Variants in CNTNAP3 observed in about 807,000 individuals in gnomAD.
CNTNAP3 encodes the protein contactin associated protein family member 3.
A neutral mutation model predicts 92.1 loss-of-function variants in CNTNAP3; 36 were observed. The observed-to-expected ratio is 0.39, with a 90% CI of 0.30 to 0.52. The LOEUF (loss-of-function observed/expected upper bound fraction) is 0.52, where lower values mean the gene tolerates loss of function less well. CNTNAP3 is among the 20% of genes least tolerant of loss of function. The pLI is 0.76. For synonymous variants in CNTNAP3, 232 were observed against 422.3 expected (o/e 0.55, Z 5.53); for missense variants, 534 against 1,069.6 (o/e 0.50, Z 6.98).
chr9:39,077,090 T>C (rs1286507730), intron 23 of CNTNAP3, among the ~76,000 whole-genome samples: 3 of 152,382 alleles, frequency 2.0e-5, no homozygotes, highest in South Asian at 2.1e-4. Flanking sequence ...TAAGCTATGC[T>C]TAACTTCACT....
intron 14 of CNTNAP3, among the ~76,000 whole-genome samples, chr9:39,117,078 T>C (rs558921459): frequency 1.3e-4 from 20 of 152,130 alleles, no homozygotes; most frequent in African/African-American, 4.8e-4. Context: ...CTGCAACCTC[T>C]ACCTCCTGGG....
In CNTNAP3 at chr9:39,081,079, C is replaced by T. The variant is rs193037922; in HGVS notation, c.3443-2159G>A. On this transcript the variant is annotated intron_variant, in intron 21 of 23. Transcript: ENST00000297668. ...AATGACTTAATTAGAAAATGATCAC[C>T]ATATATACTTTGTTTAAGCTGGAAA... Among the ~76,000 whole-genome samples the T allele has an allele frequency of 9.5e-3, 1,422 of 150,154 alleles. 25 individuals are homozygous for T. The highest frequency in any genetic ancestry group is 0.012 in the Non-Finnish European group (837 of 67,956).
At chr9:39,102,859 G>C (rs1263532101) in intron 16 of CNTNAP3, 144 bp from the exon 17 acceptor site, 2 of 1,146,656 alleles carry the variant, frequency 1.7e-6, no homozygotes, top group Non-Finnish European at 1.3e-6. Flanking sequence ...AGTTGGGGTG[G>C]GGGCAGAATA....
At chr9:39,085,948 A>C in intron 20 of CNTNAP3, 125 bp from the exon 21 acceptor site, 73 of 924,316 alleles carry the variant, frequency 7.9e-5, no homozygotes, top group Middle Eastern at 3.4e-4. Flanking sequence ...ACAAAAGCTC[A>C]AGAAGCCACC....
chr9:39,123,658 T>TA (rs1821090530), intron 13 of CNTNAP3, among the ~76,000 whole-genome samples: 1 of 151,984 alleles, frequency 6.6e-6, no homozygotes, highest in African/African-American at 2.4e-5. Context: ...TAAAATCTTT[T>TA]AAAAATAAAA....
At chr9:39,081,848 G>T (rs566505841) in intron 21 of CNTNAP3, among the ~76,000 whole-genome samples, 30,809 of 146,458 alleles carry the variant, frequency 0.21, 3,485 homozygotes, top group East Asian at 0.34. Flanking sequence ...GGAGGCCGAG[G>T]TGGGCGGATG....
chr9:39,141,843 T>C (rs564414439), intron 11 of CNTNAP3, among the ~76,000 whole-genome samples: 1 of 152,220 alleles, frequency 6.6e-6, no homozygotes, highest in Non-Finnish European at 1.5e-5. Flanking sequence ...AATGTACACA[T>C]GTATTAATGT....
rs1388086001 is a variant in CNTNAP3 at position 39,080,636 on chromosome 9, G to A, written c.3443-1716C>T. The stretch of plus-strand genomic sequence containing the variant: ...CATTAAATAATTGTAGTTTAGAGAA[G>A]AATCACATAATTTTAGGGCAGACCT... On this transcript the variant is annotated intron_variant, in intron 21 of 23. Coordinates refer to ENST00000297668, the MANE Select transcript of CNTNAP3 (RefSeq NM_033655.5). Among the ~76,000 whole-genome samples the A allele has an allele frequency of 1.5e-5, 2 of 132,122 alleles. 1 individual carries two copies. Among genetic ancestry groups the A allele is most frequent in the African/African-American group, 5.6e-5 (2 of 35,676 alleles). 86.7% of individuals were successfully genotyped at this position (132,122 alleles called of 152,430 possible).
chr9:39,108,075 C>G (rs1488517582), intron 15 of CNTNAP3, among the ~76,000 whole-genome samples: 1 of 152,106 alleles, frequency 6.6e-6, no homozygotes, highest in South Asian at 2.1e-4. Flanking sequence ...AGTTAAAGAA[C>G]TTTACTGCTC....
At chr9:39,140,670 A>G in intron 11 of CNTNAP3, 32 bp from the exon 12 acceptor site, 2 of 1,562,236 alleles carry the variant, frequency 1.3e-6, no homozygotes, top group East Asian at 2.3e-5. Flanking sequence ...AAGAACCAGA[A>G]AAAATATCTC....
At chr9:39,097,624 A>G (rs1826357194) in intron 18 of CNTNAP3, among the ~76,000 whole-genome samples, 3 of 151,436 alleles carry the variant, frequency 2.0e-5, no homozygotes, top group Non-Finnish European at 1.5e-5. Context: ...GGGGATGACA[A>G]GAAATGCTGG....
intron 12 of CNTNAP3, among the ~76,000 whole-genome samples, chr9:39,137,252 T>G (rs1821461585): frequency 6.6e-6 from 1 of 151,724 alleles, no homozygotes; most frequent in African/African-American, 2.4e-5. Context: ...ATCTCTAAGC[T>G]TAGGGATTCT....
chr9:39,120,848 G>A (rs2778185), intron 13 of CNTNAP3, among the ~76,000 whole-genome samples: 8 of 152,220 alleles, frequency 5.3e-5, no homozygotes, highest in Non-Finnish European at 8.8e-5. Context: ...ATGGATAAAT[G>A]TAATAGACTA....
intron 14 of CNTNAP3, among the ~76,000 whole-genome samples, chr9:39,109,651 C>CT (rs1395615534): frequency 6.6e-6 from 1 of 152,076 alleles, no homozygotes; most frequent in African/African-American, 2.4e-5. Flanking sequence ...ATGAAATATT[C>CT]TTTTTATTTT....
intron 12 of CNTNAP3, among the ~76,000 whole-genome samples, chr9:39,134,805 G>A (rs895326126): frequency 3.3e-5 from 5 of 152,178 alleles, no homozygotes; most frequent in African/African-American, 1.2e-4. Flanking sequence ...CCTATCAACT[G>A]AATCAAATAT....
intron 19 of CNTNAP3, among the ~76,000 whole-genome samples, chr9:39,088,188 C>A (rs536897730): frequency 6.6e-6 from 1 of 151,818 alleles, no homozygotes; most frequent in African/African-American, 2.4e-5. Flanking sequence ...AATATAACTG[C>A]ATATCAACTC....
At position 39,080,229 on chromosome 9, in the gene CNTNAP3, T is replaced by A. The variant is rs144103580; in HGVS notation, c.3443-1309A>T. 1.7e-3 allele frequency among the ~76,000 whole-genome samples: 239 copies of A among 141,530 alleles called. 7 individuals carry two copies. Among genetic ancestry groups the A allele is most frequent in the African/African-American group, 6.4e-3 (225 of 35,034 alleles). The allele number at this position is 141,530 out of a possible 152,430, so 92.8% of individuals were successfully genotyped here. On this transcript the variant is annotated intron_variant, in intron 21 of 23. Coordinates refer to ENST00000297668, the MANE Select transcript of CNTNAP3 (RefSeq NM_033655.5). ...CCAGCTTAGCAAGAATCCTGCCAAT[T>A]TGGTTTTAACCCAAATCTCCCACCC... is the stretch of plus-strand genomic sequence containing the variant.
Position 39,114,027 on chromosome 9 carries a change from CACATATAT to C in CNTNAP3, c.2237+4068_2237+4075del, listed in dbSNP as rs1563882251. ...ATATATATACACACATATATATACA[CACATATAT>C]ACACACACACACACACACACATATA... On this transcript the variant is annotated intron_variant, in intron 14 of 23. Transcript: ENST00000297668. Among the ~76,000 whole-genome samples, 4 of 136,332 alleles carry C rather than the reference CACATATAT, an allele frequency of 2.9e-5. No individual in the cohort carries two copies. The East Asian group carries it at 5.8e-4, about 20-fold the overall frequency. 89.4% of individuals were successfully genotyped at this position (136,332 alleles called of 152,430 possible).
intron 14 of CNTNAP3, among the ~76,000 whole-genome samples, chr9:39,116,995 T>TTAG (rs2117956310): frequency 6.6e-6 from 1 of 151,750 alleles, no homozygotes; most frequent in South Asian, 2.1e-4. Context: ...TTAATTATTA[T>TTAG]TATTATTATT....
Sources: allele counts gnomAD v4.1 joint callset (sites outside exome capture counted in the v4.1 genomes callset), GRCh38; gene constraint gnomAD v4.1.1; transcripts MANE v1.5; gene names NCBI Gene and HGNC (gene_info 2026-07-23, HGNC 2026-07-21).